Variants in KCNT2 observed in about 807,000 individuals in gnomAD.
KCNT2 encodes the protein potassium sodium-activated channel subfamily T member 2.
Under a neutral mutation model 153.8 loss-of-function variants are expected in KCNT2, and 67 were observed. The observed-to-expected ratio is 0.44, with a 90% confidence interval of 0.36 to 0.53. The LOEUF is 0.53. Ranked by LOEUF, KCNT2 falls within the 20% of genes least tolerant of loss-of-function variation. The pLI, the probability that KCNT2 is intolerant of heterozygous loss-of-function variation, is 0.00. For synonymous variants in KCNT2, 500 were observed against 458.8 expected, an observed-to-expected ratio of 1.09 and a Z score of -1.15; for missense variants, 975 against 1,354.8, an observed-to-expected ratio of 0.72 and a Z score of 4.40.
At chr1:196,607,731 A>C (rs1157270307) in intron 1 of KCNT2, among the ~76,000 whole-genome samples, 1 of 152,238 alleles carries the variant, frequency 6.6e-6, no homozygotes, top group Non-Finnish European at 1.5e-5. Flanking sequence ...AGTGCCAAGT[A>C]GATACCTACT....
At chr1:196,520,570 C>G (rs187255935) in intron 1 of KCNT2, among the ~76,000 whole-genome samples, 39 of 151,882 alleles carry the variant, frequency 2.6e-4, no homozygotes, top group Admixed American at 8.5e-4. Context: ...CAGTCTCAAC[C>G]CAAAGCATGG....
At chr1:196,398,871 G>C (rs1671175396) in intron 12 of KCNT2, among the ~76,000 whole-genome samples, 200 bp from the exon 13 acceptor site, 1 of 151,514 alleles carries the variant, frequency 6.6e-6, no homozygotes, top group African/African-American at 2.4e-5. Flanking sequence ...CTAATTACTA[G>C]CACTTAGAAT....
At chr1:196,444,856 T>C (rs1675552110) in intron 8 of KCNT2, among the ~76,000 whole-genome samples, 1 of 151,348 alleles carries the variant, frequency 6.6e-6, no homozygotes, top group African/African-American at 2.4e-5. Context: ...AAGCAGCAAA[T>C]ATATTTACAC....
At chr1:196,337,732 G>T (rs922030259) in intron 16 of KCNT2, among the ~76,000 whole-genome samples, 2 of 151,936 alleles carry the variant, frequency 1.3e-5, no homozygotes, top group Admixed American at 1.3e-4. Flanking sequence ...TCACTTTCTG[G>T]CCTACTAAGC....
intron 21 of KCNT2, among the ~76,000 whole-genome samples, chr1:196,313,156 A>G (rs1342296146): frequency 2.0e-5 from 3 of 151,746 alleles, no homozygotes; most frequent in African/African-American, 7.2e-5. Flanking sequence ...AAAAGCCCTC[A>G]GGTGACTAGG....
intron 1 of KCNT2, among the ~76,000 whole-genome samples, chr1:196,527,129 G>A (rs1023138297): frequency 1.3e-5 from 2 of 152,144 alleles, no homozygotes; most frequent in Non-Finnish European, 2.9e-5. Flanking sequence ...TGGTCTATGG[G>A]AAAACTGTCT....
At chr1:196,251,511 A>T (rs1187997921) in intron 26 of KCNT2, among the ~76,000 whole-genome samples, 3 of 152,048 alleles carry the variant, frequency 2.0e-5, no homozygotes, top group Admixed American at 2.0e-4. Context: ...CAGAAATAAA[A>T]ACTTCATATA....
chr1:196,498,458 G>A lies in KCNT2; in HGVS notation c.96-6117C>T, dbSNP rs892519946. 2.0e-5 allele frequency among the ~76,000 whole-genome samples: 3 copies of A among 152,072 alleles called. No homozygotes were observed. The East Asian group carries it at 5.8e-4, about 29-fold the overall frequency. On this transcript the variant is annotated intron_variant, in intron 1 of 27. Coordinates refer to ENST00000294725, the MANE Select transcript of KCNT2 (RefSeq NM_198503.5). ...CTCTTTCTTCTAATTCTGCAATATT[G>A]GTCATGGAGTCCATATATAAGATTT...
chr1:196,283,002 G>A (rs993514698), intron 23 of KCNT2, among the ~76,000 whole-genome samples: 7 of 152,118 alleles, frequency 4.6e-5, no homozygotes, highest in African/African-American at 1.4e-4. Flanking sequence ...GCGCCATGGC[G>A]CCTGGCTAAT....
chr1:196,597,824 GC>G (rs1198984849), intron 1 of KCNT2, among the ~76,000 whole-genome samples: 1 of 152,094 alleles, frequency 6.6e-6, no homozygotes, highest in African/African-American at 2.4e-5. Context: ...GTGAACCACT[GC>G]AAATCTTTAG....
chr1:196,530,038 T>A (rs1654741539), intron 1 of KCNT2, among the ~76,000 whole-genome samples: 1 of 151,984 alleles, frequency 6.6e-6, no homozygotes. Context: ...GTATGAAATG[T>A]CAAATTTCAA....
chr1:196,591,911 T>C (rs1208026853), intron 1 of KCNT2, among the ~76,000 whole-genome samples: 1 of 152,182 alleles, frequency 6.6e-6, no homozygotes, highest in Non-Finnish European at 1.5e-5. Context: ...TAATAAAAAT[T>C]TTAATTAGTG....
chr1:196,500,470 TAGG>T (rs2148762224), intron 1 of KCNT2, among the ~76,000 whole-genome samples: 1 of 152,316 alleles, frequency 6.6e-6, no homozygotes, highest in East Asian at 1.9e-4. Flanking sequence ...TTATTGGTAG[TAGG>T]AGAATTCTAG....
chr1:196,551,826 C>G (rs1657945087), intron 1 of KCNT2, among the ~76,000 whole-genome samples: 1 of 151,438 alleles, frequency 6.6e-6, no homozygotes, highest in South Asian at 2.1e-4. Context: ...TTAGTTTTAC[C>G]ACACTCTCTA....
chr1:196,490,742 T>C (rs112010043), intron 2 of KCNT2, among the ~76,000 whole-genome samples: 8,754 of 151,820 alleles, frequency 0.058, 387 homozygotes, highest in Non-Finnish European at 0.085. Context: ...ATGAAGAGTA[T>C]TTAAGATTAA....
At chr1:196,314,575 G>T (rs528804755) in intron 21 of KCNT2, among the ~76,000 whole-genome samples, 5 of 151,628 alleles carry the variant, frequency 3.3e-5, no homozygotes, top group Non-Finnish European at 7.4e-5. Context: ...TGCAAATTCA[G>T]TGTAGATTTT....
chr1:196,479,295 T>A (rs1678801857), intron 4 of KCNT2, 57 bp from the exon 5 acceptor site: 2 of 1,013,870 alleles, frequency 2.0e-6, no homozygotes, highest in Admixed American at 4.0e-5. Flanking sequence ...TTATATATAT[T>A]CTTGGCTATA....
chr1:196,309,968 T>G (rs966779089), intron 21 of KCNT2, among the ~76,000 whole-genome samples: 1 of 151,904 alleles, frequency 6.6e-6, no homozygotes, highest in Non-Finnish European at 1.5e-5. Flanking sequence ...TGGAGATGTG[T>G]AAAATATCTA....
intron 8 of KCNT2, among the ~76,000 whole-genome samples, chr1:196,453,069 T>G (rs1425498886): frequency 6.6e-6 from 1 of 151,950 alleles, no homozygotes; most frequent in African/African-American, 2.4e-5. Context: ...TTTTGTTCTG[T>G]TTTTGGTTTA....
Sources: gnomAD v4.1 joint callset for allele counts (sites outside exome capture counted in the v4.1 genomes callset) on GRCh38, gnomAD v4.1.1 for gene constraint, MANE v1.5 for transcripts, NCBI Gene and HGNC (gene_info 2026-07-23, HGNC 2026-07-21) for gene names.